The following SUPT3H variants were observed in gnomAD, a reference collection of about 807,000 sequenced individuals.
SUPT3H encodes the protein SPT3 homolog, SAGA and STAGA complex component.
Under a neutral mutation model 44.3 loss-of-function variants are expected in SUPT3H, and 44 were observed. The observed-to-expected ratio is 0.99, with a 90% confidence interval of 0.78 to 1.28. The LOEUF (loss-of-function observed/expected upper bound fraction) is 1.28. Ranked by LOEUF, SUPT3H falls within the 50% of genes most tolerant of loss-of-function variation. The pLI is 0.00. For synonymous variants in SUPT3H, 124 were observed against 125.6 expected (o/e 0.99, Z 0.09); for missense variants, 380 against 387.1 (o/e 0.98, Z 0.15).
At chr6:45,051,752 C>T (rs1378896785) in intron 3 of SUPT3H, among the ~76,000 whole-genome samples, 1 of 152,020 alleles carries the variant, frequency 6.6e-6, no homozygotes, top group Admixed American at 6.6e-5. Context: ...GCCAAGGGTA[C>T]TAAGTACATA....
rs1220186870 is a variant in SUPT3H at position 44,827,823 on chromosome 6, GGCTT to G, written c.*1989_*1992del. On this transcript the variant is annotated 3_prime_UTR_variant, in exon 11 of 11. Transcript: ENST00000371459. ...TGCTTTATTCTAAATTCAGCTTACT[GGCTT>G]ATGATGAAAAATGAAAGGTTTTATA... is the stretch of plus-strand genomic sequence containing the variant. 3.4e-5 allele frequency among the ~76,000 whole-genome samples: 5 copies of G among 147,188 alleles called. No individual in the cohort carries two copies. The East Asian group carries it at 1.0e-3, about 29-fold the overall frequency.
chr6:45,009,135 T>C (rs1177752522), intron 5 of SUPT3H, among the ~76,000 whole-genome samples: 1 of 149,498 alleles, frequency 6.7e-6, no homozygotes, highest in Non-Finnish European at 1.5e-5. Flanking sequence ...TGTCTTTTTA[T>C]TGTTAAGTTG....
At chr6:45,225,639 T>C (rs1766813326) in intron 2 of SUPT3H, among the ~76,000 whole-genome samples, 1 of 152,216 alleles carries the variant, frequency 6.6e-6, no homozygotes, top group South Asian at 2.1e-4. Context: ...GTATGTTTTT[T>C]GGCAACCCTG....
At chr6:45,337,880 A>G (rs557226049) in intron 2 of SUPT3H, among the ~76,000 whole-genome samples, 1 of 152,100 alleles carries the variant, frequency 6.6e-6, no homozygotes, top group African/African-American at 2.4e-5. Flanking sequence ...TTATTTTTTT[A>G]GAGAAAAAGT....
rs115772904 is a variant in SUPT3H, at chr6:45,294,974, C to A, written c.101+70227G>T. Among the ~76,000 whole-genome samples the A allele has an allele frequency of 4.4e-3, 673 of 152,038 alleles. 5 individuals carry two copies. Among genetic ancestry groups the A allele is most frequent in the African/African-American group, 0.016 (646 of 41,462 alleles). On this transcript the variant is annotated intron_variant, in intron 2 of 10. Coordinates refer to ENST00000371459, the MANE Select transcript of SUPT3H (RefSeq NM_003599.4). ...TTCCCATGAAAATACCACCATCATTCGTCACTGAATTAGAGAAAAACAATT... is the reference window on the plus strand; with the variant it reads ...TTCCCATGAAAATACCACCATCATTAGTCACTGAATTAGAGAAAAACAATT...
chr6:44,837,180 G>A (rs950397089), intron 10 of SUPT3H, among the ~76,000 whole-genome samples: 3 of 152,078 alleles, frequency 2.0e-5, no homozygotes, highest in African/African-American at 4.8e-5. Context: ...GTGCCAAATT[G>A]GCAGGAGTTA....
intron 2 of SUPT3H, among the ~76,000 whole-genome samples, chr6:45,276,788 A>G (rs1777102035): frequency 6.6e-6 from 1 of 152,210 alleles, no homozygotes; most frequent in East Asian, 1.9e-4. Flanking sequence ...AGAGCTGCCT[A>G]GCTGACCATC....
At chr6:44,822,054 A>G (rs1767364380), downstream of SUPT3H, among the ~76,000 whole-genome samples, 1 of 152,188 alleles carries the variant, frequency 6.6e-6, no homozygotes, top group African/African-American at 2.4e-5. Flanking sequence ...TTATGTGTAT[A>G]TTTATTAATA....
intron 2 of SUPT3H, among the ~76,000 whole-genome samples, chr6:45,342,133 G>A (rs1789906105): frequency 6.6e-6 from 1 of 152,132 alleles, no homozygotes; most frequent in African/African-American, 2.4e-5. Context: ...ACTTAGGACA[G>A]AATGGTTGAT....
intron 2 of SUPT3H, among the ~76,000 whole-genome samples, chr6:45,145,945 G>A (rs1183859603): frequency 6.6e-6 from 1 of 152,098 alleles, no homozygotes; most frequent in Non-Finnish European, 1.5e-5. Flanking sequence ...TCAGGGAAAT[G>A]CAAATCAAAA....
At chr6:45,238,491 C>T (rs907908264) in intron 2 of SUPT3H, among the ~76,000 whole-genome samples, 2 of 152,152 alleles carry the variant, frequency 1.3e-5, no homozygotes, top group African/African-American at 4.8e-5. Context: ...CTCACTAGCC[C>T]TTGGCAATTA....
At chr6:45,110,142 T>C (rs150859689) in intron 2 of SUPT3H, among the ~76,000 whole-genome samples, 96 of 152,230 alleles carry the variant, frequency 6.3e-4, no homozygotes, top group African/African-American at 1.9e-3. Context: ...TTAATAATGA[T>C]TGGGGCGGAG....
chr6:45,353,718 G>A (rs62400330), intron 2 of SUPT3H, among the ~76,000 whole-genome samples: 34,305 of 151,710 alleles, frequency 0.23, 4,546 homozygotes, highest in Non-Finnish European at 0.31. Flanking sequence ...AGGACATTCT[G>A]TCAAAGACAG....
intron 2 of SUPT3H, among the ~76,000 whole-genome samples, chr6:45,215,579 C>T (rs1764903333): frequency 6.6e-6 from 1 of 151,634 alleles, no homozygotes; most frequent in African/African-American, 2.4e-5. Context: ...TAACAATAAA[C>T]TAGATGAAGC....
intron 2 of SUPT3H, among the ~76,000 whole-genome samples, chr6:45,248,472 A>G (rs1412795390): frequency 6.6e-6 from 1 of 152,222 alleles, no homozygotes; most frequent in Non-Finnish European, 1.5e-5. Context: ...GAAGGTTTAC[A>G]GATAGCAAAT....
chr6:45,192,402 G>T (rs1815290395), intron 2 of SUPT3H, among the ~76,000 whole-genome samples: 1 of 152,080 alleles, frequency 6.6e-6, no homozygotes, highest in Admixed American at 6.6e-5. Flanking sequence ...TCTTTGAAAT[G>T]AGAATGGTTA....
At chr6:45,203,483 C>A (rs964367773) in intron 2 of SUPT3H, among the ~76,000 whole-genome samples, 3 of 152,194 alleles carry the variant, frequency 2.0e-5, no homozygotes, top group East Asian at 3.8e-4. Flanking sequence ...GGCAGTCTTA[C>A]TGCATCCCCT....
intron 2 of SUPT3H, among the ~76,000 whole-genome samples, 160 bp from the exon 3 acceptor site, chr6:45,106,166 T>C (rs1273498163): frequency 1.3e-5 from 2 of 152,224 alleles, no homozygotes; most frequent in Non-Finnish European, 2.9e-5. Flanking sequence ...GTGTGGTGGC[T>C]CACGCCTTTA....
chr6:45,055,528 G>T (rs1790972201), intron 3 of SUPT3H, among the ~76,000 whole-genome samples: 1 of 152,002 alleles, frequency 6.6e-6, no homozygotes. Context: ...GCCAAATACA[G>T]CCAACTGATC....
Sources: gnomAD v4.1 joint callset for allele counts (sites outside exome capture counted in the v4.1 genomes callset) on GRCh38, gnomAD v4.1.1 for gene constraint, MANE v1.5 for transcripts, NCBI Gene and HGNC (gene_info 2026-07-23, HGNC 2026-07-21) for gene names.